Variants in WNT11 observed in about 807,000 individuals in gnomAD.
WNT11 encodes Wnt family member 11.
Under a neutral mutation model 35.6 loss-of-function variants are expected in WNT11, and 20 were observed. The ratio of observed to expected loss-of-function variants is 0.56; its 90% confidence interval spans 0.40 to 0.82. WNT11 has a LOEUF of 0.82. Ranked by LOEUF, WNT11 falls within the 40% of genes least tolerant of loss-of-function variation. WNT11 has a pLI of 0.00. For missense variants in WNT11, 459 were observed against 504.4 expected, an observed-to-expected ratio of 0.91 and a Z score of 0.86; for synonymous variants, 200 against 211.9, an observed-to-expected ratio of 0.94 and a Z score of 0.49.
Position 76,206,500 on chromosome 11 carries a change from T to G in WNT11, c.-93A>C. The stretch of plus-strand genomic sequence containing the variant: ...GCCGCCGCTGGTCCTGCACGCCGCC[T>G]GCAGCCGGGGAGAGCGGAGGCGGCG... On this transcript the variant is annotated 5_prime_UTR_variant, in exon 1 of 5. Coordinates refer to ENST00000322563, the MANE Select transcript of WNT11 (RefSeq NM_004626.3). The G allele has an allele frequency of 8.0e-7, 1 of 1,254,906 alleles. No homozygotes were observed. Among genetic ancestry groups the G allele is most frequent in the Non-Finnish European group, 1.0e-6 (1 of 1,000,320 alleles). 77.7% of individuals were successfully genotyped at this position (1,254,906 alleles called of 1,614,324 possible). A position where few individuals can be genotyped will look rare whatever the true frequency, so the allele number is the denominator to read the frequency against.
At chr11:76,209,752 G>C (rs1258310243), upstream of WNT11, among the ~76,000 whole-genome samples, 2 of 152,092 alleles carry the variant, frequency 1.3e-5, no homozygotes, top group Non-Finnish European at 2.9e-5. Flanking sequence ...CCCTGGAGCC[G>C]GACCCTGCAC....
At chr11:76,200,688 G>A (rs1953360674) in intron 1 of WNT11, among the ~76,000 whole-genome samples, 1 of 152,150 alleles carries the variant, frequency 6.6e-6, no homozygotes, top group African/African-American at 2.4e-5. Context: ...CTTCTCTCTG[G>A]GTCCCCACTC....
chr11:76,202,472 C>T (rs1023011669), intron 1 of WNT11, among the ~76,000 whole-genome samples: 38 of 152,294 alleles, frequency 2.5e-4, no homozygotes, highest in African/African-American at 8.9e-4. Context: ...TGGGCCCCAC[C>T]TCATGCTGGT....
chr11:76,204,829 T>C (rs1051247122), intron 1 of WNT11, among the ~76,000 whole-genome samples: 1 of 152,080 alleles, frequency 6.6e-6, no homozygotes, highest in Non-Finnish European at 1.5e-5. Flanking sequence ...ATGATGGCAG[T>C]GACCCCACAG....
intron 4 of WNT11, among the ~76,000 whole-genome samples, chr11:76,189,012 G>GACC (rs767844090): frequency 2.6e-5 from 4 of 152,202 alleles, no homozygotes; most frequent in Non-Finnish European, 5.9e-5. Flanking sequence ...GTCAGCCGGT[G>GACC]ACCAGCAAGT....
intron 4 of WNT11, among the ~76,000 whole-genome samples, chr11:76,187,939 C>T (rs1022606109): frequency 2.1e-4 from 32 of 152,358 alleles, no homozygotes; most frequent in African/African-American, 7.7e-4. Flanking sequence ...GCAATCTCAG[C>T]TCACTGCAAC....
Position 76,194,833 on chromosome 11 carries a change from A to C in WNT11, c.331T>G (p.Ser111Ala). Residue 111 changes from serine (S) to alanine (A), a missense_variant, in exon 3 of 5, where the codon TCG becomes GCG. By Grantham distance (99) the Ser-to-Ala change is moderately conservative. Coordinates refer to ENST00000322563, the MANE Select transcript of WNT11 (RefSeq NM_004626.3). The surrounding 1 kb of genome is among the most constrained non-coding windows in gnomAD (Gnocchi z 5.4). ...GCCGACAGCGCATACACGAAGGCCG[A>C]CTCCCGGGTCCCTGAGGGTGGGAGG... ...LLDLERGTRE[S>A]AFVYALSAAA... The C allele has an allele frequency of 6.6e-7, 1 of 1,512,326 alleles. No individual in the cohort carries two copies. The highest frequency in any genetic ancestry group is 8.8e-7 in the Non-Finnish European group (1 of 1,136,164). The allele number at this position is 1,512,326 out of a possible 1,614,324, so 93.7% of individuals were successfully genotyped here.
Position 76,196,624 on chromosome 11 carries a change from G to C in WNT11, c.178C>G (p.Arg60Gly), listed in dbSNP as rs150798006. 4 of 1,613,560 alleles carry C rather than the reference G, an allele frequency of 2.5e-6. No individual in the cohort carries two copies. The highest frequency in any genetic ancestry group is 2.7e-5 in the African/African-American group (2 of 74,934). ...GLVSAQVQLC[R>G]SNLELMHTVV... ...GTGTGCATGAGCTCCAGGTTGCTGC[G>C]GCACAGCTGCACCTGTGCAGACACC... Residue 60 changes from arginine (R) to glycine (G), a missense_variant, in exon 2 of 5, where the codon CGC becomes GGC. By Grantham distance (125) the Arg-to-Gly change is moderately radical (BLOSUM62 -2). Coordinates refer to ENST00000322563, the MANE Select transcript of WNT11 (RefSeq NM_004626.3).
chr11:76,201,786 A>C lies in WNT11; in HGVS notation c.83+4539T>G, dbSNP rs145049449. 5.3e-5 allele frequency among the ~76,000 whole-genome samples: 8 copies of C among 152,310 alleles called. No homozygotes were observed. The East Asian group carries it at 1.4e-3, about 26-fold the overall frequency. On this transcript the variant is annotated intron_variant, in intron 1 of 4. Coordinates refer to ENST00000322563, the MANE Select transcript of WNT11 (RefSeq NM_004626.3). ...TCCCCATCCATACTGCTCAATGCTT[A>C]AGAACAATGCAGGCTTTGACATTGG...
At chr11:76,210,440 G>GCGGCTGC (rs1172211522), upstream of WNT11, 4 of 985,250 alleles carry the variant, frequency 4.1e-6, no homozygotes, top group African/African-American at 5.2e-5. Flanking sequence ...TCCCCGCTGA[G>GCGGCTGC]CGGCTGCCCG....
intron 1 of WNT11, among the ~76,000 whole-genome samples, chr11:76,199,295 G>A (rs1953337547): frequency 6.6e-6 from 1 of 151,960 alleles, no homozygotes; most frequent in African/African-American, 2.4e-5. Flanking sequence ...GACCACCCTG[G>A]GCAACATAGT....
intron 4 of WNT11, 117 bp downstream of exon 4, chr11:76,191,447 C>CA: frequency 8.3e-7 from 1 of 1,205,888 alleles, no homozygotes; most frequent in Non-Finnish European, 1.2e-6. Context: ...CTCAACTGAG[C>CA]AGGGTCTCCA....
chr11:76,195,870 C>G (rs962462648), intron 2 of WNT11, among the ~76,000 whole-genome samples: 4 of 152,140 alleles, frequency 2.6e-5, no homozygotes, highest in Non-Finnish European at 5.9e-5. Flanking sequence ...GTTTAGGACC[C>G]ACAAGAAAAG....
Position 76,187,001 on chromosome 11 carries a change from G to T in WNT11, c.*64C>A. ...CTCCATGGAGTGTCTCCAGGCCCCT[G>T]GCCCCAGTTGCTGAGGGTCCTTGAG... On this transcript the variant is annotated 3_prime_UTR_variant, in exon 5 of 5. Transcript: ENST00000322563. The T allele has an allele frequency of 6.3e-7, 1 of 1,598,038 alleles. No homozygotes were observed.
intron 4 of WNT11, among the ~76,000 whole-genome samples, chr11:76,187,819 TCTTCTA>T (rs1234892418): frequency 6.6e-6 from 1 of 152,168 alleles, no homozygotes; most frequent in Non-Finnish European, 1.5e-5. Flanking sequence ...TTTTTCTATT[TCTTCTA>T]CTTCTAAATA....
At chr11:76,195,664 C>T (rs1211575437) in intron 2 of WNT11, among the ~76,000 whole-genome samples, 1 of 152,226 alleles carries the variant, frequency 6.6e-6, no homozygotes, top group African/African-American at 2.4e-5. Context: ...ATACGGCACT[C>T]AGGAGCCTCA....
chr11:76,206,294 C>G, intron 1 of WNT11, 31 bp downstream of exon 1: 1 of 1,492,806 alleles, frequency 6.7e-7, no homozygotes, highest in Non-Finnish European at 8.9e-7. Context: ...AGTCCCTGGC[C>G]TGTGCGCGTG....
At chr11:76,198,189 C>G (rs796608509) in intron 1 of WNT11, among the ~76,000 whole-genome samples, 15 of 152,346 alleles carry the variant, frequency 9.8e-5, no homozygotes, top group African/African-American at 3.6e-4. Context: ...CGACCTTGAG[C>G]AAGTCACTTA....
At chr11:76,210,755 G>T, upstream of WNT11, 2 of 856,710 alleles carry the variant, frequency 2.3e-6, no homozygotes, top group Non-Finnish European at 2.8e-6. Context: ...CGCCTGGCGC[G>T]ATCTCCGGCG....
Sources: gnomAD v4.1 joint callset for allele counts (sites outside exome capture counted in the v4.1 genomes callset) on GRCh38, gnomAD v4.1.1 for gene constraint, Gnocchi (gnomAD v3.1) non-coding constraint, MANE v1.5 for transcripts, NCBI Gene and HGNC (gene_info 2026-07-23, HGNC 2026-07-21) for gene names.